KCNQ3: variants seen among roughly 807,000 people sequenced by gnomAD.
KCNQ3 encodes potassium voltage-gated channel subfamily KQT member 3.
A neutral mutation model predicts 92.5 loss-of-function variants in KCNQ3; 30 were observed. That is an observed-to-expected ratio of 0.32 (90% CI 0.24 to 0.44). KCNQ3 has a LOEUF of 0.44. KCNQ3 is among the 20% of genes least tolerant of loss of function. The probability of loss-of-function intolerance (pLI) is 1.00; values close to 1 mark genes in which losing one functional copy is unlikely to be tolerated. For missense variants in KCNQ3, 913 were observed against 1,140.3 expected, an observed-to-expected ratio of 0.80 and a Z score of 2.87; for synonymous variants, 450 against 468.8, an observed-to-expected ratio of 0.96 and a Z score of 0.52.
chr8:132,330,961 G>A (rs1161065590), intron 1 of KCNQ3, among the ~76,000 whole-genome samples: 2 of 152,174 alleles, frequency 1.3e-5, no homozygotes, highest in Non-Finnish European at 2.9e-5. Context: ...TAGTGATAAA[G>A]GCAGCGTCCA....
chr8:132,219,737 T>G (rs570332000), intron 1 of KCNQ3, among the ~76,000 whole-genome samples: 1 of 152,348 alleles, frequency 6.6e-6, no homozygotes, highest in East Asian at 1.9e-4. Context: ...CTAATCCTCT[T>G]GTCCTGCCTC....
chr8:132,186,519 C>A, intron 1 of KCNQ3: 1 of 370,288 alleles, frequency 2.7e-6, no homozygotes, highest in Non-Finnish European at 5.3e-6. Flanking sequence ...CAACTTTTCA[C>A]AAGTCATTAA....
chr8:132,246,903 T>A (rs1247318146), intron 1 of KCNQ3, among the ~76,000 whole-genome samples: 6 of 152,180 alleles, frequency 3.9e-5, no homozygotes, highest in Non-Finnish European at 8.8e-5. Context: ...TTGGAATTCA[T>A]AAAATAGGGA....
intron 1 of KCNQ3, among the ~76,000 whole-genome samples, chr8:132,354,754 G>C (rs1260326022): frequency 1.3e-5 from 2 of 152,232 alleles, no homozygotes; most frequent in Non-Finnish European, 2.9e-5. Context: ...CTGCCATATA[G>C]ATCTTGGATC....
chr8:132,468,047 G>A (rs942502233), intron 1 of KCNQ3, among the ~76,000 whole-genome samples: 2 of 152,194 alleles, frequency 1.3e-5, no homozygotes, highest in Non-Finnish European at 2.9e-5. Flanking sequence ...AAGCTGTCAA[G>A]CGCCTCTCTC....
intron 1 of KCNQ3, among the ~76,000 whole-genome samples, chr8:132,392,683 C>T (rs957602323): frequency 4.6e-5 from 7 of 150,980 alleles, no homozygotes; most frequent in Admixed American, 2.7e-4. Flanking sequence ...CATCTGTAAT[C>T]CCAGCTACTC....
intron 1 of KCNQ3, among the ~76,000 whole-genome samples, chr8:132,261,165 T>C (rs557071563): frequency 5.1e-4 from 77 of 152,340 alleles, no homozygotes; most frequent in Middle Eastern, 3.4e-3. Context: ...TTCAGCTCTC[T>C]ATCTGGCATT....
intron 1 of KCNQ3, among the ~76,000 whole-genome samples, chr8:132,294,536 G>A (rs564470923): frequency 6.6e-6 from 1 of 152,276 alleles, no homozygotes; most frequent in Admixed American, 6.5e-5. Context: ...TCATTCTGGG[G>A]CTAAACCTGG....
In KCNQ3 at chr8:132,289,158, T is replaced by A. The variant is rs188978562; in HGVS notation, c.387-102977A>T. On this transcript the variant is annotated intron_variant, in intron 1 of 14. Transcript: ENST00000388996. The stretch of plus-strand genomic sequence containing the variant: ...AATTCAAGGTTATGTGGAAAGTACA[T>A]AGCTGGGTCCTCATTCAACAAGAAT... Among the ~76,000 whole-genome samples the A allele has an allele frequency of 5.4e-4, 83 of 152,308 alleles. 1 individual carries two copies. Among genetic ancestry groups the A allele is most frequent in the Admixed American group, 4.8e-3 (73 of 15,306 alleles).
chr8:132,167,854 G>A (rs1448722557), intron 8 of KCNQ3, among the ~76,000 whole-genome samples: 1 of 152,198 alleles, frequency 6.6e-6, no homozygotes, highest in Middle Eastern at 3.2e-3. Flanking sequence ...AATGGAAATT[G>A]TCTTGGTTCT....
intron 1 of KCNQ3, among the ~76,000 whole-genome samples, chr8:132,450,500 C>G (rs1485884805): frequency 6.6e-6 from 1 of 152,210 alleles, no homozygotes; most frequent in East Asian, 1.9e-4. Flanking sequence ...CTTCACCTCT[C>G]ACCTCCGTAC....
At chr8:132,170,788 G>A (rs1315081674) in intron 7 of KCNQ3, among the ~76,000 whole-genome samples, 1 of 149,496 alleles carries the variant, frequency 6.7e-6, no homozygotes, top group Non-Finnish European at 1.5e-5. Flanking sequence ...AAGGTGGGAG[G>A]ATCACTTGAG....
At chr8:132,474,262 T>C (rs941177554) in intron 1 of KCNQ3, among the ~76,000 whole-genome samples, 3 of 152,184 alleles carry the variant, frequency 2.0e-5, no homozygotes, top group Admixed American at 6.5e-5. Flanking sequence ...ACTGCATTCA[T>C]ATATACTATT....
chr8:132,285,003 C>T (rs1310797137), intron 1 of KCNQ3, among the ~76,000 whole-genome samples: 3 of 152,180 alleles, frequency 2.0e-5, no homozygotes, highest in East Asian at 1.9e-4. Context: ...TTAGACTTCC[C>T]AACCTCTAGA....
chr8:132,271,631 G>A (rs1816150758), intron 1 of KCNQ3, among the ~76,000 whole-genome samples: 1 of 152,070 alleles, frequency 6.6e-6, no homozygotes, highest in Non-Finnish European at 1.5e-5. Context: ...ATCTATTTGG[G>A]AAAGTAAAAC....
At chr8:132,451,977 T>C (rs1821829834) in intron 1 of KCNQ3, among the ~76,000 whole-genome samples, 1 of 152,010 alleles carries the variant, frequency 6.6e-6, no homozygotes, top group East Asian at 1.9e-4. Context: ...CACCCTGGAG[T>C]TGGAGGGCAC....
chr8:132,408,641 C>G (rs1820562707), intron 1 of KCNQ3, among the ~76,000 whole-genome samples: 1 of 152,090 alleles, frequency 6.6e-6, no homozygotes, highest in African/African-American at 2.4e-5. Flanking sequence ...AGTTAAGTTC[C>G]CAGTCAACTT....
Position 132,132,127 on chromosome 8 carries a change from T to A in KCNQ3, c.1884+53A>T. On this transcript the variant is annotated intron_variant, in intron 14 of 14. Transcript: ENST00000388996. Reference sequence around the variant, plus strand: ...AAGAAAGAAAAAAAAGAAATGGCATTTGAAAATAAATGTCACAGATCCAGT... The same window carrying A: ...AAGAAAGAAAAAAAAGAAATGGCATATGAAAATAAATGTCACAGATCCAGT... 7 of 1,167,720 alleles carry A rather than the reference T, an allele frequency of 6.0e-6. No individual in the cohort carries two copies. The South Asian group carries it at 6.4e-5, about 11-fold the overall frequency. 72.3% of individuals were successfully genotyped at this position (1,167,720 alleles called of 1,614,324 possible).
chr8:132,164,291 C>T (rs16904612), intron 8 of KCNQ3, among the ~76,000 whole-genome samples: 6,135 of 150,040 alleles, frequency 0.041, 541 homozygotes, highest in African/African-American at 0.15. Flanking sequence ...TGGAATGGTA[C>T]TCTGTCATTA....
Sources: gnomAD v4.1 joint callset for allele counts (sites outside exome capture counted in the v4.1 genomes callset) on GRCh38, gnomAD v4.1.1 for gene constraint, MANE v1.5 for transcripts, NCBI Gene and HGNC (gene_info 2026-07-23, HGNC 2026-07-21) for gene names.